The following PNLIPRP3 variants were observed in gnomAD, a reference collection of about 807,000 sequenced individuals.
PNLIPRP3 encodes the protein pancreatic lipase related protein 3.
Under a neutral mutation model 52.8 loss-of-function variants are expected in PNLIPRP3, and 58 were observed. That is an observed-to-expected ratio of 1.10 (90% CI 0.89 to 1.37). The LOEUF (loss-of-function observed/expected upper bound fraction) is 1.37. Ranked by LOEUF, PNLIPRP3 falls within the 40% of genes most tolerant of loss-of-function variation. The pLI is 0.00. For synonymous variants in PNLIPRP3, 192 were observed against 185.0 expected, an observed-to-expected ratio of 1.04 and a Z score of -0.31; for missense variants, 593 against 561.6, an observed-to-expected ratio of 1.06 and a Z score of -0.57.
At chr10:116,445,526 A>G (rs1845933230) in intron 4 of PNLIPRP3, among the ~76,000 whole-genome samples, 2 of 148,440 alleles carry the variant, frequency 1.3e-5, no homozygotes, top group Admixed American at 6.9e-5. Flanking sequence ...CTTTGAAAGG[A>G]TGAAATCAGA....
At chr10:116,458,177 T>C (rs2133140106) in intron 5 of PNLIPRP3, among the ~76,000 whole-genome samples, 1 of 152,342 alleles carries the variant, frequency 6.6e-6, no homozygotes, top group African/African-American at 2.4e-5. Flanking sequence ...TTTTATTTAT[T>C]TTTATTTATA....
At position 116,474,209 on chromosome 10, in the gene PNLIPRP3, T is replaced by C. The variant is rs1846422367; in HGVS notation, c.1172+2330T>C. ...AAGCAATGGGGAAAGAATCCCCTAC[T>C]CAATAAATGGTGCTGGGATACCTGG... On this transcript the variant is annotated intron_variant, in intron 10 of 11. Transcript: ENST00000369230. 2.6e-5 allele frequency among the ~76,000 whole-genome samples: 4 copies of C among 152,278 alleles called. No individual in the cohort carries two copies. The South Asian group carries it at 8.3e-4, about 32-fold the overall frequency.
intron 4 of PNLIPRP3, among the ~76,000 whole-genome samples, chr10:116,454,329 A>G (rs904603727): frequency 1.3e-5 from 2 of 152,098 alleles, no homozygotes; most frequent in African/African-American, 4.8e-5. Flanking sequence ...TATGTTGGTC[A>G]GGCTGGTCTC....
At chr10:116,465,941 C>T in intron 7 of PNLIPRP3, 109 bp from the exon 8 acceptor site, 1 of 786,800 alleles carries the variant, frequency 1.3e-6, no homozygotes, top group Non-Finnish European at 2.2e-6. Flanking sequence ...AAAGGTCTGG[C>T]CCTCCCAACT....
chr10:116,471,920 G>T (rs542837870), intron 10 of PNLIPRP3, 41 bp downstream of exon 10: 6 of 1,312,258 alleles, frequency 4.6e-6, no homozygotes, highest in African/African-American at 2.9e-5. Flanking sequence ...CAGTGCTGGG[G>T]GCTCAGTAAC....
intron 5 of PNLIPRP3, among the ~76,000 whole-genome samples, chr10:116,459,167 T>C (rs180737394): frequency 6.6e-6 from 1 of 152,252 alleles, no homozygotes; most frequent in East Asian, 1.9e-4. Flanking sequence ...TGAATTTCTT[T>C]TCTTTTGCCT....
chr10:116,438,288 T>C lies in PNLIPRP3; in HGVS notation c.204+1423T>C, dbSNP rs1423782148. Among the ~76,000 whole-genome samples, 4 of 152,116 alleles carry C rather than the reference T, an allele frequency of 2.6e-5. No homozygotes were observed. The East Asian group carries it at 7.7e-4, about 29-fold the overall frequency. Reference sequence around the variant, plus strand: ...GAAACGAGGGCAGGACTAGGAGTGGTTGGAGGATCTATATTTAGGGAGCAG... The same window carrying C: ...GAAACGAGGGCAGGACTAGGAGTGGCTGGAGGATCTATATTTAGGGAGCAG... On this transcript the variant is annotated intron_variant, in intron 2 of 11. Transcript: ENST00000369230.
intron 2 of PNLIPRP3, among the ~76,000 whole-genome samples, chr10:116,442,599 C>T (rs1845874093): frequency 6.6e-6 from 1 of 152,108 alleles, no homozygotes; most frequent in Non-Finnish European, 1.5e-5. Flanking sequence ...TGTGGTGGCT[C>T]GTGCCTATAA....
chr10:116,456,458 CA>C (rs1201447144), intron 5 of PNLIPRP3, among the ~76,000 whole-genome samples: 2 of 152,052 alleles, frequency 1.3e-5, no homozygotes, highest in Non-Finnish European at 2.9e-5. Flanking sequence ...AAAATATGGA[CA>C]ACTATTATAT....
intron 9 of PNLIPRP3, among the ~76,000 whole-genome samples, chr10:116,471,371 C>T (rs999138251): frequency 1.3e-5 from 2 of 152,072 alleles, no homozygotes; most frequent in Non-Finnish European, 2.9e-5. Flanking sequence ...CTAGATTTTT[C>T]TGGATTAATT....
intron 10 of PNLIPRP3, among the ~76,000 whole-genome samples, chr10:116,472,499 C>T (rs1471191822): frequency 6.6e-6 from 1 of 152,168 alleles, no homozygotes; most frequent in Non-Finnish European, 1.5e-5. Flanking sequence ...TAATTAGATG[C>T]AACCTTTTCT....
intron 4 of PNLIPRP3, among the ~76,000 whole-genome samples, chr10:116,445,069 C>T (rs987966740): frequency 1.3e-5 from 2 of 152,150 alleles, no homozygotes; most frequent in Non-Finnish European, 2.9e-5. Flanking sequence ...CCCTAAAATG[C>T]AGTGTAGTAA....
intron 7 of PNLIPRP3, among the ~76,000 whole-genome samples, chr10:116,462,441 G>A (rs1039079941): frequency 1.3e-5 from 2 of 151,876 alleles, no homozygotes; most frequent in Non-Finnish European, 2.9e-5. Flanking sequence ...TCATTTGGCT[G>A]TTGTAGAGGA....
intron 2 of PNLIPRP3, among the ~76,000 whole-genome samples, chr10:116,437,910 C>T (rs1233606693): frequency 2.0e-5 from 3 of 152,136 alleles, no homozygotes; most frequent in Non-Finnish European, 4.4e-5. Flanking sequence ...CAGAAAGGTC[C>T]ATTTGACAAT....
chr10:116,438,195 G>C (rs573974462), intron 2 of PNLIPRP3, among the ~76,000 whole-genome samples: 14 of 152,280 alleles, frequency 9.2e-5, no homozygotes, highest in Non-Finnish European at 7.4e-5. Flanking sequence ...TGGAGAAAAA[G>C]ATTCAAAAGT....
chr10:116,470,622 G>A (rs977538945), intron 9 of PNLIPRP3, among the ~76,000 whole-genome samples: 3 of 151,236 alleles, frequency 2.0e-5, no homozygotes, highest in Admixed American at 1.3e-4. Context: ...CCATTCTCCT[G>A]CCTCAGCCTC....
intron 4 of PNLIPRP3, among the ~76,000 whole-genome samples, chr10:116,447,801 G>A (rs183741021): frequency 6.6e-6 from 1 of 152,126 alleles, no homozygotes; most frequent in African/African-American, 2.4e-5. Context: ...GCTGGTCATG[G>A]TGGCGCGCAC....
chr10:116,458,796 C>T (rs945803778), intron 5 of PNLIPRP3, among the ~76,000 whole-genome samples: 2 of 152,038 alleles, frequency 1.3e-5, no homozygotes, highest in Non-Finnish European at 2.9e-5. Context: ...TGTGCTGAAA[C>T]GAACCCCTTC....
At chr10:116,435,226 T>C (rs1159475885) in intron 1 of PNLIPRP3, among the ~76,000 whole-genome samples, 2 of 152,144 alleles carry the variant, frequency 1.3e-5, no homozygotes, top group Non-Finnish European at 2.9e-5. Flanking sequence ...TTAATTTTGC[T>C]TATAGAGCAA....
Sources: gnomAD v4.1 joint callset for allele counts (sites outside exome capture counted in the v4.1 genomes callset) on GRCh38, gnomAD v4.1.1 for gene constraint, MANE v1.5 for transcripts, NCBI Gene and HGNC (gene_info 2026-07-23, HGNC 2026-07-21) for gene names.